The following CCDC178 variants were observed in gnomAD, a reference collection of about 807,000 sequenced individuals.
The protein encoded by CCDC178 is coiled-coil domain containing 178.
Under a neutral mutation model 117.4 loss-of-function variants are expected in CCDC178, and 126 were observed. The ratio of observed to expected loss-of-function variants is 1.07; its 90% CI spans 0.93 to 1.24. The LOEUF is 1.24. Ranked by LOEUF, CCDC178 falls within the 50% of genes most tolerant of loss-of-function variation. The probability of loss-of-function intolerance (pLI) is 0.00; values close to 1 mark genes in which losing one functional copy is unlikely to be tolerated. For missense variants in CCDC178, 1,030 were observed against 986.9 expected (o/e 1.04, Z -0.59); for synonymous variants, 283 against 313.4 (o/e 0.90, Z 1.02).
At chr18:33,226,461 G>A (rs2059304088) in intron 16 of CCDC178, among the ~76,000 whole-genome samples, 1 of 152,126 alleles carries the variant, frequency 6.6e-6, no homozygotes, top group Non-Finnish European at 1.5e-5. Context: ...AAATCCAAGT[G>A]AAAGACACTA....
chr18:33,064,409 T>G (rs149058144), intron 21 of CCDC178, among the ~76,000 whole-genome samples: 1 of 152,198 alleles, frequency 6.6e-6, no homozygotes, highest in African/African-American at 2.4e-5. Context: ...AATAAAACAA[T>G]ACCATTGAGC....
intron 21 of CCDC178, among the ~76,000 whole-genome samples, chr18:32,976,156 G>T (rs558234980): frequency 3.2e-4 from 49 of 152,212 alleles, no homozygotes; most frequent in African/African-American, 1.1e-3. Context: ...GGGCATTTCA[G>T]ATAATTTGGG....
chr18:33,268,797 T>TA (rs151282248), intron 12 of CCDC178, among the ~76,000 whole-genome samples: 10,139 of 151,438 alleles, frequency 0.067, 502 homozygotes, highest in African/African-American at 0.13. Context: ...ATAAATGTAA[T>TA]AAAAAAAACT....
At chr18:33,114,066 C>T (rs1169215503) in intron 20 of CCDC178, among the ~76,000 whole-genome samples, 1 of 152,016 alleles carries the variant, frequency 6.6e-6, no homozygotes, top group African/African-American at 2.4e-5. Flanking sequence ...TTTGGACTAT[C>T]ATAGGAGATT....
chr18:33,220,463 T>C (rs1452907182), intron 18 of CCDC178, among the ~76,000 whole-genome samples: 1 of 152,056 alleles, frequency 6.6e-6, no homozygotes, highest in African/African-American at 2.4e-5. Context: ...GGCCCTTGCT[T>C]TTTGGTCACT....
intron 2 of CCDC178, among the ~76,000 whole-genome samples, chr18:33,417,385 A>G (rs1158967646): frequency 6.6e-6 from 1 of 152,230 alleles, no homozygotes; most frequent in East Asian, 1.9e-4. Flanking sequence ...ATGACATAAC[A>G]TAATTACAGA....
intron 22 of CCDC178, among the ~76,000 whole-genome samples, chr18:32,948,183 T>C (rs1413243231): frequency 2.0e-5 from 3 of 152,162 alleles, no homozygotes; most frequent in Non-Finnish European, 2.9e-5. Context: ...CTATTCTATG[T>C]CCTTTCCATT....
chr18:32,973,840 T>C (rs1008602265), intron 22 of CCDC178, among the ~76,000 whole-genome samples: 2 of 152,130 alleles, frequency 1.3e-5, no homozygotes, highest in African/African-American at 4.8e-5. Flanking sequence ...TAGAACAAGG[T>C]AGTATGTGTT....
intron 22 of CCDC178, among the ~76,000 whole-genome samples, chr18:32,965,359 A>G (rs1289345171): frequency 6.6e-6 from 1 of 151,918 alleles, no homozygotes; most frequent in Admixed American, 6.6e-5. Context: ...TTACCTAACT[A>G]AGGTCATTTG....
At chr18:33,197,625 C>CAA (rs35818550) in intron 20 of CCDC178, among the ~76,000 whole-genome samples, 9,163 of 136,150 alleles carry the variant, frequency 0.067, 468 homozygotes, top group African/African-American at 0.14. Context: ...ATTGCTTTAT[C>CAA]AAAAAAAAAA....
chr18:33,036,956 T>G (rs2056456207), intron 21 of CCDC178, among the ~76,000 whole-genome samples: 1 of 151,842 alleles, frequency 6.6e-6, no homozygotes. Flanking sequence ...GGACTTGAAA[T>G]GGCCAACATT....
chr18:33,082,954 A>G (rs1006275160), intron 21 of CCDC178, among the ~76,000 whole-genome samples: 31 of 151,984 alleles, frequency 2.0e-4, no homozygotes, highest in African/African-American at 7.5e-4. Context: ...GTATAAAAAT[A>G]ATGATAATAA....
intron 20 of CCDC178, among the ~76,000 whole-genome samples, chr18:33,174,372 TA>T (rs1369138709): frequency 6.6e-6 from 1 of 152,182 alleles, no homozygotes; most frequent in African/African-American, 2.4e-5. Flanking sequence ...GAAGTTAAAT[TA>T]ATTGTCCAAG....
At chr18:33,295,232 G>A (rs938170036) in intron 11 of CCDC178, among the ~76,000 whole-genome samples, 2 of 152,036 alleles carry the variant, frequency 1.3e-5, no homozygotes, top group Non-Finnish European at 2.9e-5. Flanking sequence ...TATGGTGATG[G>A]AATAATTACA....
chr18:33,051,814 T>C (rs2056752611), intron 21 of CCDC178, among the ~76,000 whole-genome samples: 1 of 152,192 alleles, frequency 6.6e-6, no homozygotes, highest in Admixed American at 6.5e-5. Context: ...GTATTTTATA[T>C]AAAAATGCTG....
At chr18:33,243,105 T>G (rs1395376438) in intron 15 of CCDC178, among the ~76,000 whole-genome samples, 1 of 151,890 alleles carries the variant, frequency 6.6e-6, no homozygotes, top group Non-Finnish European at 1.5e-5. Flanking sequence ...TGCAGAAACA[T>G]GGATGGAACT....
chr18:33,420,531 T>A (rs949476276), intron 2 of CCDC178, among the ~76,000 whole-genome samples: 4 of 152,144 alleles, frequency 2.6e-5, no homozygotes, highest in Non-Finnish European at 5.9e-5. Flanking sequence ...TTTTCTGTAT[T>A]TTTAGTAGAG....
In CCDC178 at chr18:33,310,971, G is replaced by GA. The variant is rs1358628531; in HGVS notation, c.1022+12519dup. Among the ~76,000 whole-genome samples, 7 of 151,576 alleles carry GA rather than the reference G, an allele frequency of 4.6e-5. No homozygotes were observed. In the South Asian group the frequency reaches 6.2e-4, roughly 14 times the overall value. ...ATGATGTCCTGGCATGTCTCCAATG[G>GA]AAAAAAAGAGGTGGGTACTCTATAT... On this transcript the variant is annotated intron_variant, in intron 11 of 22. Transcript: ENST00000383096.
intron 6 of CCDC178, among the ~76,000 whole-genome samples, chr18:33,360,440 G>A (rs543988066): frequency 6.6e-6 from 1 of 151,358 alleles, no homozygotes; most frequent in Admixed American, 6.6e-5. Context: ...ACTGAAACAT[G>A]CTACAATGTG....
Sources: allele counts gnomAD v4.1 joint callset (sites outside exome capture counted in the v4.1 genomes callset), GRCh38; gene constraint gnomAD v4.1.1; transcripts MANE v1.5; gene names NCBI Gene and HGNC (gene_info 2026-07-23, HGNC 2026-07-21).